TNFAIP8L1: variants seen among roughly 807,000 people sequenced by gnomAD.
TNFAIP8L1 encodes TNF alpha induced protein 8 like 1.
For missense variants in TNFAIP8L1, 225 were observed against 266.1 expected, an observed-to-expected ratio of 0.85 and a Z score of 1.08; for synonymous variants, 127 against 125.6, an observed-to-expected ratio of 1.01 and a Z score of -0.08.
intron 1 of TNFAIP8L1, among the ~76,000 whole-genome samples, chr19:4,647,518 G>A (rs2088322803): frequency 6.6e-6 from 1 of 151,084 alleles, no homozygotes; most frequent in Non-Finnish European, 1.5e-5. Flanking sequence ...CACCATGTTG[G>A]CCAGGCTGAT....
rs117498468 is a variant in TNFAIP8L1 at position 4,641,818 on chromosome 19, C to T, written c.-4+2189C>T. The T allele has an allele frequency of 0.023, 3,429 of 152,298 alleles. 64 individuals carry two copies. Among genetic ancestry groups the T allele is most frequent in the Non-Finnish European group, 0.035 (2,375 of 68,048 alleles). The allele number at this position is 152,298 out of a possible 1,614,324, so 9.4% of individuals were successfully genotyped here. A position where few individuals can be genotyped will look rare whatever the true frequency, so the allele number is the denominator to read the frequency against. On this transcript the variant is annotated intron_variant, in intron 1 of 1. Coordinates refer to ENST00000327473, the MANE Select transcript of TNFAIP8L1 (RefSeq NM_152362.3). The surrounding 1 kb of genome is among the most constrained non-coding windows in gnomAD (Gnocchi z 4.6). ...AGACGAGACTTGAACCCCAAATGTG[C>T]CATTGACTAGGATGAGGAAAGGATT...
chr19:4,648,103 G>C (rs933371188), intron 1 of TNFAIP8L1, among the ~76,000 whole-genome samples: 1 of 152,220 alleles, frequency 6.6e-6, no homozygotes, highest in African/African-American at 2.4e-5. Context: ...CAGGTCGCTG[G>C]CTCAGGACAC....
chr19:4,652,535 T>G lies in TNFAIP8L1; in HGVS notation c.*105T>G. The G allele has an allele frequency of 8.4e-7, 1 of 1,193,302 alleles. No individual in the cohort carries two copies. The highest frequency in any genetic ancestry group is 2.7e-5 in the East Asian group (1 of 37,656). 73.9% of individuals were successfully genotyped at this position (1,193,302 alleles called of 1,614,324 possible). A position where few individuals can be genotyped will look rare whatever the true frequency, so the allele number is the denominator to read the frequency against. On this transcript the variant is annotated 3_prime_UTR_variant, in exon 2 of 2. Coordinates refer to ENST00000327473, the MANE Select transcript of TNFAIP8L1 (RefSeq NM_152362.3). The stretch of plus-strand genomic sequence containing the variant: ...TCCACCTCTTTTCTCCCAATCGGAC[T>G]CCGGCCAAACTCCCCTAGACAGATG...
At chr19:4,648,619 G>A (rs2088333492) in intron 1 of TNFAIP8L1, among the ~76,000 whole-genome samples, 1 of 152,200 alleles carries the variant, frequency 6.6e-6, no homozygotes, top group South Asian at 2.1e-4. Context: ...GGTTGCTCTT[G>A]GGAGCCCAGG....
intron 1 of TNFAIP8L1, among the ~76,000 whole-genome samples, chr19:4,642,788 T>C (rs1422104696): frequency 6.6e-6 from 1 of 151,780 alleles, no homozygotes; most frequent in East Asian, 1.9e-4. Flanking sequence ...CGCAGGATCT[T>C]ATGGGCTGCC....
chr19:4,649,450 G>A (rs2088341902), intron 1 of TNFAIP8L1, among the ~76,000 whole-genome samples: 1 of 152,178 alleles, frequency 6.6e-6, no homozygotes, highest in Admixed American at 6.5e-5. Context: ...GGGAAACTGA[G>A]GCACATTGTT....
intron 1 of TNFAIP8L1, among the ~76,000 whole-genome samples, chr19:4,646,911 T>TA (rs1473495453): frequency 6.6e-6 from 1 of 152,264 alleles, no homozygotes; most frequent in African/African-American, 2.4e-5. Context: ...ATTGCAGGCG[T>TA]GAGCCGGTGC....
chr19:4,650,587 A>G (rs1441508335), intron 1 of TNFAIP8L1, among the ~76,000 whole-genome samples: 1 of 152,032 alleles, frequency 6.6e-6, no homozygotes. Context: ...AGGAGCAGAC[A>G]GGGACAGGGG....
At chr19:4,646,270 T>G (rs932660428) in intron 1 of TNFAIP8L1, among the ~76,000 whole-genome samples, 2 of 146,536 alleles carry the variant, frequency 1.4e-5, no homozygotes, top group African/African-American at 5.0e-5. Context: ...TTACAGGTGC[T>G]CGCCACCACG....
rs1160914069 is a variant in TNFAIP8L1 at position 4,654,304 on chromosome 19, C to T, written c.*1874C>T. 6.6e-6 allele frequency: 1 copy of T among 152,154 alleles called. No homozygotes were observed. The highest frequency in any genetic ancestry group is 1.5e-5 in the Non-Finnish European group (1 of 68,014). The allele number at this position is 152,154 out of a possible 1,614,324, so 9.4% of individuals were successfully genotyped here. On this transcript the variant is annotated 3_prime_UTR_variant, in exon 2 of 2. Coordinates refer to ENST00000327473, the MANE Select transcript of TNFAIP8L1 (RefSeq NM_152362.3). ...GGAGGGGACGGAGCGTGCCCACCTC[C>T]CAGGGGTGAGGGGGGACCCACCTGA...
At chr19:4,640,654 C>T (rs1011136006) in intron 1 of TNFAIP8L1, 1 of 152,292 alleles carries the variant, frequency 6.6e-6, no homozygotes, top group African/African-American at 2.4e-5. Flanking sequence ...GAATACAGGC[C>T]CTGCTCATAA....
intron 1 of TNFAIP8L1, among the ~76,000 whole-genome samples, chr19:4,648,603 G>A (rs943352761): frequency 6.6e-6 from 1 of 152,360 alleles, no homozygotes; most frequent in African/African-American, 2.4e-5. Flanking sequence ...CCTTGCAGGG[G>A]GCGGGGGTTG....
chr19:4,640,802 A>T (rs2088253394), intron 1 of TNFAIP8L1: 1 of 152,348 alleles, frequency 6.6e-6, no homozygotes, highest in Admixed American at 6.5e-5. Context: ...GAGGGCGCCA[A>T]CTTTGAAACA....
rs2088306358 is a variant in TNFAIP8L1, at chr19:4,645,930, G to GC, written c.-3-5933dup. 6.6e-6 allele frequency among the ~76,000 whole-genome samples: 1 copy of GC among 151,968 alleles called. No individual in the cohort carries two copies. The highest frequency in any genetic ancestry group is 6.5e-5 in the Admixed American group (1 of 15,272). On this transcript the variant is annotated intron_variant, in intron 1 of 1. Coordinates refer to ENST00000327473, the MANE Select transcript of TNFAIP8L1 (RefSeq NM_152362.3). This position sits in a 1 kb window ranked among gnomAD's most constrained non-coding sequence, Gnocchi z 4.1. The stretch of plus-strand genomic sequence containing the variant: ...CCTGTAACAAGCGTGACACAGCCCT[G>GC]CCCCAGGGCCTTTGCACAGGCTGTG...
chr19:4,641,299 TGAG>T lies in TNFAIP8L1; in HGVS notation c.-4+1673_-4+1675del, dbSNP rs1221273032. ...CCAATGGGGCCACGAAAGGGTGCCT[TGAG>T]GACAAAACTCCAGCCGTTGACAGGG... On this transcript the variant is annotated intron_variant, in intron 1 of 1. Transcript: ENST00000327473. The surrounding 1 kb of genome is among the most constrained non-coding windows in gnomAD (Gnocchi z 4.6). 3 of 152,080 alleles carry T rather than the reference TGAG, an allele frequency of 2.0e-5. No individual in the cohort carries two copies. The highest frequency in any genetic ancestry group is 1.3e-4 in the Admixed American group (2 of 15,254). The allele number at this position is 152,080 out of a possible 1,614,324, so 9.4% of individuals were successfully genotyped here. A position where few individuals can be genotyped will look rare whatever the true frequency, so the allele number is the denominator to read the frequency against.
intron 1 of TNFAIP8L1, among the ~76,000 whole-genome samples, chr19:4,646,625 T>C (rs1289407558): frequency 6.6e-6 from 1 of 151,180 alleles, no homozygotes; most frequent in African/African-American, 2.4e-5. Flanking sequence ...TGGACAGGCC[T>C]CTCCTGAACA....
Position 4,654,500 on chromosome 19 carries a change from C to T in TNFAIP8L1, c.*2070C>T, listed in dbSNP as rs1031836870. The stretch of plus-strand genomic sequence containing the variant: ...GGGACTACAGGTGTGCACGAGCACA[C>T]CCGGCTAATCTTTGTATTTTTTGTA... On this transcript the variant is annotated 3_prime_UTR_variant, in exon 2 of 2. Coordinates refer to ENST00000327473, the MANE Select transcript of TNFAIP8L1 (RefSeq NM_152362.3). The T allele has an allele frequency of 1.3e-5, 2 of 152,162 alleles. No homozygotes were observed. The highest frequency in any genetic ancestry group is 2.9e-5 in the Non-Finnish European group (2 of 68,046). 9.4% of individuals were successfully genotyped at this position (152,162 alleles called of 1,614,324 possible).
chr19:4,649,067 C>G (rs549109116), intron 1 of TNFAIP8L1, among the ~76,000 whole-genome samples: 1 of 151,514 alleles, frequency 6.6e-6, no homozygotes, highest in Non-Finnish European at 1.5e-5. Context: ...GTAGCTGGGA[C>G]TACAGGCGCC....
chr19:4,650,933 G>A (rs992596821), intron 1 of TNFAIP8L1, among the ~76,000 whole-genome samples: 4 of 152,162 alleles, frequency 2.6e-5, no homozygotes, highest in Non-Finnish European at 2.9e-5. Context: ...GCAGTGAGCC[G>A]AGATCGTGCC....
Sources: allele counts gnomAD v4.1 joint callset (sites outside exome capture counted in the v4.1 genomes callset), GRCh38; gene constraint gnomAD v4.1.1; non-coding constraint Gnocchi (gnomAD v3.1); transcripts MANE v1.5; gene names NCBI Gene and HGNC (gene_info 2026-07-23, HGNC 2026-07-21).